ZBTB11: variants seen among roughly 807,000 people sequenced by gnomAD.
The protein encoded by ZBTB11 is zinc finger and BTB domain-containing protein 11.
In ZBTB11, 68 loss-of-function variants were observed where a neutral mutation model predicts 113.1. The observed-to-expected ratio is 0.60, with a 90% CI of 0.49 to 0.74. The LOEUF (loss-of-function observed/expected upper bound fraction) is 0.74, where lower values mean the gene tolerates loss of function less well. Among genes scored for constraint, ZBTB11 ranks in the 30% least tolerant of loss-of-function variants. The pLI is 0.00. For synonymous variants in ZBTB11, 518 were observed against 452.6 expected (o/e 1.14, Z -1.83); for missense variants, 1,104 against 1,279.4 (o/e 0.86, Z 2.09).
At position 101,650,174 on chromosome 3, in the gene ZBTB11, T is replaced by C. The variant is rs1275695009; in HGVS notation, c.*992A>G. 2 of 152,200 alleles carry C rather than the reference T, an allele frequency of 1.3e-5. No homozygotes were observed. The highest frequency in any genetic ancestry group is 2.9e-5 in the Non-Finnish European group (2 of 68,008). 9.4% of individuals were successfully genotyped at this position (152,200 alleles called of 1,614,324 possible). A position where few individuals can be genotyped will look rare whatever the true frequency, so the allele number is the denominator to read the frequency against. On this transcript the variant is annotated 3_prime_UTR_variant, in exon 11 of 11. Transcript: ENST00000312938. ...CAACATTCTGAAATTACCTGACAATTACATGGTATCCACAGAGCTGCTGTG... is the reference window on the plus strand; with the variant it reads ...CAACATTCTGAAATTACCTGACAATCACATGGTATCCACAGAGCTGCTGTG...
In ZBTB11 at chr3:101,656,110, G is replaced by T; in HGVS notation, c.2185C>A (p.His729Asn). 6.4e-7 allele frequency: 1 copy of T among 1,550,846 alleles called. No individual in the cohort carries two copies. The highest frequency in any genetic ancestry group is 2.0e-5 in the Admixed American group (1 of 49,888). The change falls in exon 7 of 11, where the codon CAC becomes AAC. Residue 729 changes from histidine (H) to asparagine (N), a missense_variant. Around this residue, in one of 5 missense-constraint regions of ZBTB11, gnomAD observed 535 missense variants for 518.6 expected, o/e 1.03. Transcript: ENST00000312938. ...AATATAAATTTCTCATTACCTGTGT[G>T]AATACTCATATGTTCTTGAAGACTC... ...KRSLQEHMSI[H>N]TGESKYLCSV...
rs1936690579 is a variant in ZBTB11 at position 101,650,950 on chromosome 3, A to C, written c.*216T>G. 1 of 412,572 alleles carries C rather than the reference A, an allele frequency of 2.4e-6. No homozygotes were observed. Among genetic ancestry groups the C allele is most frequent in the African/African-American group, 2.0e-5 (1 of 48,782 alleles). The allele number at this position is 412,572 out of a possible 1,614,324, so 25.6% of individuals were successfully genotyped here. A position where few individuals can be genotyped will look rare whatever the true frequency, so the allele number is the denominator to read the frequency against. On this transcript the variant is annotated 3_prime_UTR_variant, in exon 11 of 11. Transcript: ENST00000312938. ...ATTAGGTTGGTGCAAAAGCAATTGC[A>C]CCAACCTAATAGATCTGTTTTCAAT...
At chr3:101,669,602 A>C (rs1004056866) in intron 3 of ZBTB11, among the ~76,000 whole-genome samples, 5 of 152,196 alleles carry the variant, frequency 3.3e-5, no homozygotes, top group Non-Finnish European at 4.4e-5. Context: ...ACATATCAAA[A>C]GAATAACCTG....
intron 8 of ZBTB11, 28 bp from the exon 9 acceptor site, chr3:101,652,966 G>A (rs1410775556): frequency 1.3e-6 from 2 of 1,594,444 alleles, no homozygotes; most frequent in Middle Eastern, 1.7e-4. Context: ...TACCCAATTG[G>A]ATAATCTTAT....
chr3:101,652,765 C>T lies in ZBTB11; in HGVS notation c.2468+15G>A. On this transcript the variant is annotated intron_variant, in intron 9 of 10. Transcript: ENST00000312938. ...CGTTATCAATTAAGTTCAGCTCCTT[C>T]TCAAATTTACTCACCTATAAGGCTC... The T allele has an allele frequency of 6.2e-7, 1 of 1,609,558 alleles. No homozygotes were observed. The highest frequency in any genetic ancestry group is 8.5e-7 in the Non-Finnish European group (1 of 1,177,918).
chr3:101,668,720 T>C (rs536505594), intron 3 of ZBTB11, among the ~76,000 whole-genome samples: 1 of 152,192 alleles, frequency 6.6e-6, no homozygotes, highest in South Asian at 2.1e-4. Context: ...CCTCATTTGA[T>C]CATTACTAAT....
In ZBTB11 at chr3:101,654,931, G is replaced by A. The variant is rs905586975; in HGVS notation, c.2192-110C>T. 5 of 760,632 alleles carry A rather than the reference G, an allele frequency of 6.6e-6. No homozygotes were observed. The African/African-American group carries it at 7.0e-5, about 11-fold the overall frequency. The allele number at this position is 760,632 out of a possible 1,614,324, so 47.1% of individuals were successfully genotyped here. On this transcript the variant is annotated intron_variant, in intron 7 of 10. Coordinates refer to ENST00000312938, the MANE Select transcript of ZBTB11 (RefSeq NM_014415.4). ...CTCTGTTGCCCAGGTTGGATGGAGTGCAGTGGCGTGATCTCGGCTCATCGC... is the reference window on the plus strand; with the variant it reads ...CTCTGTTGCCCAGGTTGGATGGAGTACAGTGGCGTGATCTCGGCTCATCGC...
chr3:101,650,340 T>C lies in ZBTB11; in HGVS notation c.*826A>G, dbSNP rs1174242097. The C allele has an allele frequency of 1.3e-5, 2 of 152,460 alleles. No homozygotes were observed. The highest frequency in any genetic ancestry group is 4.1e-4 in the South Asian group (2 of 4,824). 9.4% of individuals were successfully genotyped at this position (152,460 alleles called of 1,614,324 possible). ...TTCATTCTTTGCAAATAATGAGAAT[T>C]TTTTTTTCCATTAATTGTCCTATGT... On this transcript the variant is annotated 3_prime_UTR_variant, in exon 11 of 11. Transcript: ENST00000312938.
At chr3:101,662,764 T>C (rs1443033003) in intron 5 of ZBTB11, among the ~76,000 whole-genome samples, 1 of 151,872 alleles carries the variant, frequency 6.6e-6, no homozygotes, top group Admixed American at 6.6e-5. Context: ...TTCCTCAAAA[T>C]TGTCTTTTTT....
intron 3 of ZBTB11, among the ~76,000 whole-genome samples, chr3:101,669,324 C>A (rs575990943): frequency 7.6e-4 from 116 of 152,342 alleles, no homozygotes; most frequent in African/African-American, 2.5e-3. Flanking sequence ...CTGTGCCCAG[C>A]CTTATCTACT....
chr3:101,669,320 C>G (rs1937047993), intron 3 of ZBTB11, among the ~76,000 whole-genome samples: 2 of 152,214 alleles, frequency 1.3e-5, no homozygotes, highest in African/African-American at 2.4e-5. Flanking sequence ...GCCACTGTGC[C>G]CAGCCTTATC....
At position 101,671,958 on chromosome 3, in the gene ZBTB11, G is replaced by A; in HGVS notation, c.546+20C>T. 1 of 1,584,558 alleles carries A rather than the reference G, an allele frequency of 6.3e-7. No homozygotes were observed. Among genetic ancestry groups the A allele is most frequent in the Non-Finnish European group, 8.7e-7 (1 of 1,153,062 alleles). ...TACACTAGTTACAAATCTTAAAGCTGACTGGAGAGTACCACTTACAAACAC... is the reference window on the plus strand; with the variant it reads ...TACACTAGTTACAAATCTTAAAGCTAACTGGAGAGTACCACTTACAAACAC... On this transcript the variant is annotated intron_variant, in intron 2 of 10. Coordinates refer to ENST00000312938, the MANE Select transcript of ZBTB11 (RefSeq NM_014415.4).
rs1936981895 is a variant in ZBTB11 at position 101,665,532 on chromosome 3, G to C, written c.1055C>G (p.Thr352Arg). ...ATCCCCAAGTTCAGTAGGTAAACTT[G>C]TTGTGGTTCCCTCACTGCTAGCAAC... is the stretch of plus-strand genomic sequence containing the variant. ...PPVASSEGTTTSLPTELGDCE... is the reference protein window; with the variant it reads ...PPVASSEGTTRSLPTELGDCE... The change falls in exon 4 of 11, where the codon ACA (threonine) becomes AGA (arginine). Residue 352 changes from threonine to arginine, a missense_variant. Thr to Arg is a moderately conservative substitution (Grantham distance 71, BLOSUM62 -1). Around this residue, in one of 5 missense-constraint regions of ZBTB11, gnomAD observed 535 missense variants for 518.6 expected, o/e 1.03. Coordinates refer to ENST00000312938, the MANE Select transcript of ZBTB11 (RefSeq NM_014415.4). 6.2e-7 allele frequency: 1 copy of C among 1,614,026 alleles called. No homozygotes were observed. Among genetic ancestry groups the C allele is most frequent in the African/African-American group, 1.3e-5 (1 of 74,908 alleles).
chr3:101,657,140 C>CAAA (rs11413892), intron 6 of ZBTB11, among the ~76,000 whole-genome samples: 28 of 105,062 alleles, frequency 2.7e-4, no homozygotes, highest in African/African-American at 6.9e-4. Context: ...GAATCAGTCT[C>CAAA]AAAAAAAAAA....
At position 101,652,500 on chromosome 3, in the gene ZBTB11, A is replaced by T; in HGVS notation, c.2640T>A (p.His880Gln). Reference protein sequence around the residue: ...LREYRRHMNNHEGVKPFECLT... With the variant: ...LREYRRHMNNQEGVKPFECLT... ...TATAATATAAAGTATAGTTACCTTCATGGTTGTTCATGTGTCTCCTATACT... is the reference window on the plus strand; with the variant it reads ...TATAATATAAAGTATAGTTACCTTCTTGGTTGTTCATGTGTCTCCTATACT... Residue 880 changes from histidine (H) to glutamine (Q), a missense_variant, in exon 10 of 11, where the codon CAT becomes CAA. Around this residue, in one of 5 missense-constraint regions of ZBTB11, gnomAD observed 148 missense variants for 259.3 expected, o/e 0.57. Coordinates refer to ENST00000312938, the MANE Select transcript of ZBTB11 (RefSeq NM_014415.4). 1 of 1,613,718 alleles carries T rather than the reference A, an allele frequency of 6.2e-7. No homozygotes were observed. Among genetic ancestry groups the T allele is most frequent in the Non-Finnish European group, 8.5e-7 (1 of 1,179,884 alleles).
Position 101,665,306 on chromosome 3 carries a change from G to A in ZBTB11, c.1281C>T (p.Asn427=), listed in dbSNP as rs754878734. Residue 427 remains asparagine (N), a synonymous_variant, in exon 4 of 11, where the codon AAC becomes AAT. Transcript: ENST00000312938. Reference sequence around the variant, plus strand: ...TAGAAACTGTGTTATTTTCTCTGTTGTTTGAAGTTTCTAGTTCTGTCTGGT... The same window carrying A: ...TAGAAACTGTGTTATTTTCTCTGTTATTTGAAGTTTCTAGTTCTGTCTGGT... The part of the protein sequence containing the change: ...KNNQTELETS[N]NRENNTVSNI... 2 of 1,614,152 alleles carry A rather than the reference G, an allele frequency of 1.2e-6. No homozygotes were observed. The highest frequency in any genetic ancestry group is 2.2e-5 in the East Asian group (1 of 44,890).
intron 5 of ZBTB11, among the ~76,000 whole-genome samples, chr3:101,663,742 T>C (rs1179647954): frequency 1.3e-5 from 2 of 151,956 alleles, no homozygotes; most frequent in African/African-American, 2.4e-5. Flanking sequence ...ACAAAAAAAT[T>C]AGCCAGGCAT....
At chr3:101,654,421 G>A (rs372393222) in intron 8 of ZBTB11, among the ~76,000 whole-genome samples, 5 of 152,186 alleles carry the variant, frequency 3.3e-5, no homozygotes, top group African/African-American at 9.6e-5. Flanking sequence ...ATGAAGAAGA[G>A]GGGGGGAAAG....
intron 3 of ZBTB11, among the ~76,000 whole-genome samples, chr3:101,666,814 A>G (rs1367681258): frequency 4.6e-5 from 7 of 152,026 alleles, no homozygotes; most frequent in African/African-American, 1.7e-4. Context: ...CAGTGGTGAA[A>G]TCTTGGCTCA....
Sources: allele counts gnomAD v4.1 joint callset (sites outside exome capture counted in the v4.1 genomes callset), GRCh38; gene constraint gnomAD v4.1.1; regional missense constraint gnomAD v4.1.1; transcripts MANE v1.5; gene names NCBI Gene and HGNC (gene_info 2026-07-23, HGNC 2026-07-21).